PBLD: variants seen among roughly 807,000 people sequenced by gnomAD.
PBLD encodes the protein phenazine biosynthesis like protein domain containing, also known as phenazine biosynthesis-like domain-containing protein.
Under a neutral mutation model 31.3 loss-of-function variants are expected in PBLD, and 26 were observed. The ratio of observed to expected loss-of-function variants is 0.83; its 90% confidence interval spans 0.61 to 1.15. The LOEUF (loss-of-function observed/expected upper bound fraction) is 1.15. PBLD is among the 50% of genes most tolerant of loss of function. PBLD has a pLI of 0.00. For synonymous variants in PBLD, 114 were observed against 129.0 expected (o/e 0.88, Z 0.79); for missense variants, 307 against 351.7 (o/e 0.87, Z 1.02).
At chr10:68,323,515 A>G (rs73274704) in intron 1 of PBLD, among the ~76,000 whole-genome samples, 6,526 of 152,218 alleles carry the variant, frequency 0.043, 486 homozygotes, top group African/African-American at 0.15. Flanking sequence ...TGAGCTGAGC[A>G]CACCACTGCA....
At chr10:68,319,664 T>G (rs1022907375) in intron 1 of PBLD, among the ~76,000 whole-genome samples, 5 of 151,856 alleles carry the variant, frequency 3.3e-5, no homozygotes, top group Admixed American at 2.6e-4. Context: ...GAGGTTGCAG[T>G]GAGCTGGGAT....
intron 4 of PBLD, among the ~76,000 whole-genome samples, chr10:68,294,167 G>A (rs1390220222): frequency 1.3e-5 from 2 of 152,080 alleles, no homozygotes; most frequent in Non-Finnish European, 2.9e-5. Flanking sequence ...TTTATCTCCT[G>A]CCAATCATAT....
intron 1 of PBLD, among the ~76,000 whole-genome samples, chr10:68,313,037 T>G (rs888655697): frequency 6.6e-6 from 1 of 152,012 alleles, no homozygotes; most frequent in East Asian, 1.9e-4. Context: ...CACCTCAGCC[T>G]CCTGAGTAGC....
rs2044316548 is a variant in PBLD, at chr10:68,288,534, A to G, written c.640T>C (p.Tyr214His). Residue 214 changes from tyrosine (Y) to histidine (H), a missense_variant, in exon 8 of 10, where the codon TAC becomes CAC. Coordinates refer to ENST00000358769, the MANE Select transcript of PBLD (RefSeq NM_022129.4). ...ACCCACGGTGCAAAATATCTTGAGT[A>G]AAAGTCAAATGCTTGGGTCTGCCCA... ...PGGQTQAFDF[Y>H]SRYFAPWVGV... 1.9e-6 allele frequency: 3 copies of G among 1,614,250 alleles called. No homozygotes were observed. In the East Asian group the frequency reaches 6.7e-5, roughly 36 times the overall value.
intron 1 of PBLD, among the ~76,000 whole-genome samples, chr10:68,324,162 T>C (rs916665911): frequency 6.6e-6 from 1 of 152,100 alleles, no homozygotes; most frequent in Non-Finnish European, 1.5e-5. Flanking sequence ...TTTTCTTTTT[T>C]TTTTTTGAGA....
At chr10:68,311,956 G>A (rs1434189994) in intron 1 of PBLD, among the ~76,000 whole-genome samples, 1 of 152,170 alleles carries the variant, frequency 6.6e-6, no homozygotes, top group Non-Finnish European at 1.5e-5. Flanking sequence ...AGTAGCCTGG[G>A]AACAGATCAA....
chr10:68,313,590 T>G (rs2044698703), intron 1 of PBLD, among the ~76,000 whole-genome samples: 2 of 152,222 alleles, frequency 1.3e-5, no homozygotes, highest in South Asian at 4.1e-4. Flanking sequence ...TTGGGAATTT[T>G]TTCACTTTTC....
At position 68,283,653 on chromosome 10, in the gene PBLD, A is replaced by C. The variant is rs958057318; in HGVS notation, c.*524T>G. On this transcript the variant is annotated 3_prime_UTR_variant, in exon 10 of 10. Coordinates refer to ENST00000358769, the MANE Select transcript of PBLD (RefSeq NM_022129.4). ...TTTGTAGCTGGTTACTTACATTTCA[A>C]ATACACTCATGAGTGGAGCCAAAAC... The C allele has an allele frequency of 3.3e-5, 5 of 152,618 alleles. No individual in the cohort carries two copies. Among genetic ancestry groups the C allele is most frequent in the Non-Finnish European group, 5.9e-5 (4 of 68,338 alleles). The allele number at this position is 152,618 out of a possible 1,614,324, so 9.5% of individuals were successfully genotyped here. A position where few individuals can be genotyped will look rare whatever the true frequency, so the allele number is the denominator to read the frequency against.
chr10:68,329,168 C>T (rs2044972655), intron 1 of PBLD, among the ~76,000 whole-genome samples: 1 of 152,168 alleles, frequency 6.6e-6, no homozygotes, highest in Non-Finnish European at 1.5e-5. Context: ...CGTGAGCCAC[C>T]ATACCCAGCC....
Position 68,288,827 on chromosome 10 carries a change from C to T in PBLD, c.512+104G>A, listed in dbSNP as rs1354221757. The T allele has an allele frequency of 9.2e-6, 12 of 1,307,708 alleles. No individual in the cohort carries two copies. The Admixed American group carries it at 1.1e-4, about 12-fold the overall frequency. 81.0% of individuals were successfully genotyped at this position (1,307,708 alleles called of 1,614,324 possible). A position where few individuals can be genotyped will look rare whatever the true frequency, so the allele number is the denominator to read the frequency against. On this transcript the variant is annotated intron_variant, in intron 7 of 9. Transcript: ENST00000358769. ...ATCAGGGAAAGAAACACTCTGGCTG[C>T]GTAAATCATGGTTTGACTGGACACA...
At chr10:68,312,527 T>C (rs2044682493) in intron 1 of PBLD, among the ~76,000 whole-genome samples, 1 of 152,122 alleles carries the variant, frequency 6.6e-6, no homozygotes, top group Non-Finnish European at 1.5e-5. Flanking sequence ...TGTCCATTTT[T>C]TAATAGAATA....
intron 2 of PBLD, among the ~76,000 whole-genome samples, chr10:68,305,345 C>G (rs930784265): frequency 6.6e-6 from 1 of 151,124 alleles, no homozygotes; most frequent in Admixed American, 6.6e-5. Flanking sequence ...GCTCCTGGCC[C>G]CAAGCAATCC....
In PBLD at chr10:68,292,045, TG is replaced by T. The variant is rs754942337; in HGVS notation, c.394-7del. 1.3e-6 allele frequency: 2 copies of T among 1,587,658 alleles called. No individual in the cohort carries two copies. Among genetic ancestry groups the T allele is most frequent in the Non-Finnish European group, 1.7e-6 (2 of 1,158,888 alleles). On this transcript the variant is annotated splice_polypyrimidine_tract_variant and splice_region_variant and intron_variant, in intron 5 of 9. Transcript: ENST00000358769. ...TCCTCTACTTCATGGAAGTCCTAGA[TG>T]GGGGGAAAAAAAACAAAATTATTAT...
intron 1 of PBLD, among the ~76,000 whole-genome samples, chr10:68,325,233 G>T (rs1315695148): frequency 1.3e-5 from 2 of 151,882 alleles, no homozygotes; most frequent in Admixed American, 1.3e-4. Context: ...GACAAAACAA[G>T]ACTCCGTCTC....
At chr10:68,322,507 A>T (rs929004102) in intron 1 of PBLD, among the ~76,000 whole-genome samples, 39 of 143,690 alleles carry the variant, frequency 2.7e-4, no homozygotes, top group African/African-American at 9.6e-4. Context: ...CAAAAAATTA[A>T]AAAAAAAAAA....
intron 1 of PBLD, among the ~76,000 whole-genome samples, chr10:68,309,670 T>C (rs2044635375): frequency 6.7e-6 from 1 of 148,468 alleles, no homozygotes; most frequent in South Asian, 2.1e-4. Context: ...CAGCTGGGCA[T>C]GGTGGCACAT....
intron 1 of PBLD, among the ~76,000 whole-genome samples, chr10:68,326,448 T>G (rs1371960735): frequency 1.3e-5 from 2 of 152,222 alleles, no homozygotes; most frequent in African/African-American, 4.8e-5. Context: ...TCTGCCTATA[T>G]TGGAAAATCA....
intron 2 of PBLD, 159 bp from the exon 3 acceptor site, chr10:68,297,144 TTG>T: frequency 1.6e-6 from 1 of 636,822 alleles, no homozygotes; most frequent in Non-Finnish European, 2.7e-6. Flanking sequence ...TTTATAAAGA[TTG>T]GTTCTCAGAA....
intron 4 of PBLD, among the ~76,000 whole-genome samples, 196 bp from the exon 5 acceptor site, chr10:68,292,434 G>T (rs1356973539): frequency 1.3e-5 from 2 of 151,942 alleles, no homozygotes; most frequent in Non-Finnish European, 2.9e-5. Context: ...GAACATAACT[G>T]ATCAGATGTG....
Sources: allele counts gnomAD v4.1 joint callset (sites outside exome capture counted in the v4.1 genomes callset), GRCh38; gene constraint gnomAD v4.1.1; transcripts MANE v1.5; gene names NCBI Gene and HGNC (gene_info 2026-07-23, HGNC 2026-07-21).